Variants in DIAPH2 observed in about 807,000 individuals in gnomAD.
DIAPH2 encodes the protein diaphanous related formin 2.
DIAPH2 carries 35 observed loss-of-function variants against 92.7 expected under a neutral mutation model. The observed-to-expected ratio is 0.38, with a 90% CI of 0.29 to 0.50. The LOEUF (loss-of-function observed/expected upper bound fraction) is 0.50. Among genes scored for constraint, DIAPH2 ranks in the 20% least tolerant of loss-of-function variants. The probability of loss-of-function intolerance (pLI) is 0.94; values close to 1 mark genes in which losing one functional copy is unlikely to be tolerated. For missense variants in DIAPH2, 701 were observed against 819.5 expected (o/e 0.86, Z 1.77); for synonymous variants, 301 against 280.4 (o/e 1.07, Z -0.73).
intron 22 of DIAPH2, among the ~76,000 whole-genome samples, chrX:97,143,457 T>TATATATAC (rs1303008805): frequency 9.1e-6 from 1 of 110,284 alleles, no homozygotes; most frequent in Admixed American, 9.8e-5. Context: ...ATAATATATC[T>TATATATAC]ATATATACAC....
chrX:97,120,766 G>C (rs753477122), intron 21 of DIAPH2, among the ~76,000 whole-genome samples: 6 of 109,175 alleles, frequency 5.5e-5, no homozygotes, highest in Non-Finnish European at 1.1e-4. Context: ...AACATGTAAA[G>C]CCTCATCTAG....
chrX:97,595,973 C>T (rs1030599637), intron 26 of DIAPH2, among the ~76,000 whole-genome samples: 4 of 111,990 alleles, frequency 3.6e-5, no homozygotes, highest in African/African-American at 1.3e-4. Flanking sequence ...TGTCTTCAAC[C>T]TTATGCTTTA....
chrX:96,947,250 C>T (rs1160845928), intron 14 of DIAPH2, among the ~76,000 whole-genome samples: 2 of 111,362 alleles, frequency 1.8e-5, no homozygotes, highest in African/African-American at 6.5e-5. Context: ...TACTAATAAA[C>T]CATTTTTAGA....
chrX:97,510,775 C>T (rs1414561972), intron 26 of DIAPH2, among the ~76,000 whole-genome samples: 1 of 94,777 alleles, frequency 1.1e-5, no homozygotes, highest in Admixed American at 1.2e-4. Context: ...GAATCCTTTC[C>T]CCATTGCTTG....
At chrX:97,365,197 A>G (rs1241925787) in intron 24 of DIAPH2, among the ~76,000 whole-genome samples, 21 of 110,928 alleles carry the variant, frequency 1.9e-4, no homozygotes, top group African/African-American at 6.9e-4. Flanking sequence ...TGCATGTTCT[A>G]TATTAAGTCT....
intron 1 of DIAPH2, among the ~76,000 whole-genome samples, chrX:96,686,738 A>G (rs960735607): frequency 3.6e-5 from 4 of 112,206 alleles, no homozygotes; most frequent in African/African-American, 1.3e-4. Context: ...AAATTTAGGA[A>G]GACATTGTGG....
At chrX:97,442,183 G>T (rs2070266326) in intron 26 of DIAPH2, 1 of 112,945 alleles carries the variant, frequency 8.9e-6, no homozygotes, top group African/African-American at 3.2e-5. Context: ...ATTATAGCAG[G>T]CTTTCTTTAG....
Position 97,114,975 on chromosome X carries a change from C to T in DIAPH2, c.2589+10C>T. ...CAACTTCCTTTGTAAGGTAAGATGA[C>T]ATTTTATAATGCTAATTTACAACAA... On this transcript the variant is annotated intron_variant, in intron 21 of 26. Transcript: ENST00000324765. 1 of 1,148,354 alleles carries T rather than the reference C, an allele frequency of 8.7e-7. No homozygotes were observed. Among genetic ancestry groups the T allele is most frequent in the Non-Finnish European group, 1.2e-6 (1 of 862,434 alleles). The allele number at this position is 1,148,354 out of a possible 1,213,427, so 94.6% of individuals were successfully genotyped here. A position where few individuals can be genotyped will look rare whatever the true frequency, so the allele number is the denominator to read the frequency against.
At chrX:97,593,627 A>G (rs1309132153) in intron 26 of DIAPH2, among the ~76,000 whole-genome samples, 1 of 111,897 alleles carries the variant, frequency 8.9e-6, no homozygotes, top group African/African-American at 3.2e-5. Context: ...GTTTCATAAA[A>G]ACAGCAAAAA....
chrX:97,408,124 C>T (rs746328348), intron 25 of DIAPH2, among the ~76,000 whole-genome samples: 18 of 111,777 alleles, frequency 1.6e-4, no homozygotes, highest in African/African-American at 5.5e-4. Context: ...CAATGGCATC[C>T]ATATTATTTA....
intron 15 of DIAPH2, among the ~76,000 whole-genome samples, chrX:96,956,775 G>A (rs1398283690): frequency 3.6e-5 from 4 of 111,593 alleles, no homozygotes; most frequent in African/African-American, 1.3e-4. Flanking sequence ...CAGCATTTTG[G>A]TTAAAGCCAT....
intron 22 of DIAPH2, among the ~76,000 whole-genome samples, chrX:97,228,375 T>G (rs2067982454): frequency 8.9e-6 from 1 of 111,848 alleles, no homozygotes; most frequent in Non-Finnish European, 1.9e-5. Flanking sequence ...AGATTCTGTG[T>G]GTATGGTAGA....
At chrX:97,099,337 G>A (rs373254859) in intron 19 of DIAPH2, among the ~76,000 whole-genome samples, 1 of 109,817 alleles carries the variant, frequency 9.1e-6, no homozygotes, top group African/African-American at 3.3e-5. Context: ...CTGCACTCCA[G>A]CCAGGGCGAC....
At chrX:97,035,237 A>G (rs1262791725) in intron 17 of DIAPH2, among the ~76,000 whole-genome samples, 1 of 111,789 alleles carries the variant, frequency 8.9e-6, no homozygotes, top group Non-Finnish European at 1.9e-5. Context: ...TGAAATATGA[A>G]TACATTCATA....
chrX:97,535,555 G>T (rs939852677), intron 26 of DIAPH2, among the ~76,000 whole-genome samples: 1 of 111,201 alleles, frequency 9.0e-6, no homozygotes, highest in Non-Finnish European at 1.9e-5. Context: ...GGGTTCAAGC[G>T]ATTCTCCTGC....
chrX:96,962,342 TATATATATACAC>T (rs2065859461), intron 16 of DIAPH2, among the ~76,000 whole-genome samples: 1 of 70,174 alleles, frequency 1.4e-5, no homozygotes, highest in Non-Finnish European at 2.6e-5. Context: ...TATATACATA[TATATATATACAC>T]ATATATATAT....
intron 23 of DIAPH2, among the ~76,000 whole-genome samples, chrX:97,335,245 C>T (rs1034614292): frequency 9.0e-6 from 1 of 111,381 alleles, no homozygotes; most frequent in Non-Finnish European, 1.9e-5. Context: ...GTTCAATAAA[C>T]ATTAGTTTCT....
chrX:97,242,306 A>G (rs1309584587), intron 22 of DIAPH2, among the ~76,000 whole-genome samples: 2 of 111,186 alleles, frequency 1.8e-5, no homozygotes, highest in Non-Finnish European at 3.8e-5. Context: ...CAATGAAGGA[A>G]CAGGAGATGC....
At chrX:97,540,880 A>T (rs2071134702) in intron 26 of DIAPH2, among the ~76,000 whole-genome samples, 1 of 111,976 alleles carries the variant, frequency 8.9e-6, no homozygotes, top group Non-Finnish European at 1.9e-5. Flanking sequence ...ATCATCAGTT[A>T]TAGATAGTTA....
Sources: gnomAD v4.1 joint callset for allele counts (sites outside exome capture counted in the v4.1 genomes callset) on GRCh38, gnomAD v4.1.1 for gene constraint, MANE v1.5 for transcripts, NCBI Gene and HGNC (gene_info 2026-07-23, HGNC 2026-07-21) for gene names.